PYROXD1: variants seen among roughly 807,000 people sequenced by gnomAD.
PYROXD1 encodes the protein tRNA ligase complex-associated NAD(P)H dehydrogenase PYROXD1.
In PYROXD1, 42 loss-of-function variants were observed where a neutral mutation model predicts 62.0. That is an observed-to-expected ratio of 0.68 (90% CI 0.53 to 0.88). PYROXD1 has a LOEUF of 0.88. Among genes scored for constraint, PYROXD1 ranks in the 40% least tolerant of loss-of-function variants. PYROXD1 has a pLI of 0.00. For missense variants in PYROXD1, 493 were observed against 604.8 expected (o/e 0.82, Z 1.94); for synonymous variants, 170 against 206.4 (o/e 0.82, Z 1.51).
chr12:21,453,668 G>A (rs1942544191), intron 5 of PYROXD1, among the ~76,000 whole-genome samples: 3 of 151,984 alleles, frequency 2.0e-5, no homozygotes, highest in Non-Finnish European at 2.9e-5. Flanking sequence ...TGTGCATCTT[G>A]CTGAGAACAT....
chr12:21,452,596 T>C (rs1942521838), intron 5 of PYROXD1, among the ~76,000 whole-genome samples: 1 of 152,174 alleles, frequency 6.6e-6, no homozygotes, highest in Non-Finnish European at 1.5e-5. Flanking sequence ...CCCAAAATGT[T>C]TGTGACTCCT....
At chr12:21,448,235 A>T (rs1387977889) in intron 3 of PYROXD1, 1 of 500,812 alleles carries the variant, frequency 2.0e-6, no homozygotes, top group East Asian at 3.4e-5. Context: ...TGTTCTTATG[A>T]AATGCTACTG....
At chr12:21,439,298 C>T (rs1942252474) in intron 1 of PYROXD1, among the ~76,000 whole-genome samples, 1 of 151,964 alleles carries the variant, frequency 6.6e-6, no homozygotes, top group African/African-American at 2.4e-5. Flanking sequence ...CTGGTTTATA[C>T]GTGAAACTGG....
rs1165157473 is a variant in PYROXD1 at position 21,468,757 on chromosome 12, A to G, written c.*3A>G. 1.2e-6 allele frequency: 2 copies of G among 1,601,026 alleles called. No homozygotes were observed. The highest frequency in any genetic ancestry group is 2.7e-5 in the African/African-American group (2 of 74,444). ...ATATAGAAGATTATTTTGACTAAAA[A>G]TGGAATTTCTTCAGGAATCATATAA... On this transcript the variant is annotated 3_prime_UTR_variant, in exon 12 of 12. Transcript: ENST00000240651.
At position 21,458,454 on chromosome 12, in the gene PYROXD1, C is replaced by A. The variant is rs114494108; in HGVS notation, c.750+2359C>A. The stretch of plus-strand genomic sequence containing the variant: ...CATCATTCATGTGTTCATTGGAATA[C>A]CACTTTAGATTTACTTCAAGAATGT... On this transcript the variant is annotated intron_variant, in intron 7 of 11. Transcript: ENST00000240651. Among the ~76,000 whole-genome samples the A allele has an allele frequency of 2.8e-3, 422 of 152,296 alleles. 5 individuals carry two copies. Among genetic ancestry groups the A allele is most frequent in the African/African-American group, 0.01 (416 of 41,566 alleles).
intron 5 of PYROXD1, among the ~76,000 whole-genome samples, chr12:21,453,428 AC>A (rs1942537903): frequency 6.6e-6 from 1 of 151,940 alleles, no homozygotes; most frequent in Non-Finnish European, 1.5e-5. Context: ...GCATACCCAT[AC>A]CCTTTCTACA....
rs759264885 is a variant in PYROXD1, at chr12:21,449,636, T to A, written c.359T>A (p.Leu120Ter). ...LCLCAGAKPK[L>*]ICEGNPYVLG... ...CTGTGTGCTGGAGCTAAACCAAAGT[T>A]GATATGTGAAGGAAATCCTTATGTA... Residue 120 changes from leucine to a stop codon, truncating the protein, a stop_gained, in exon 4 of 12, where the codon TTG (leucine) becomes TAG (stop). Coordinates refer to ENST00000240651, the MANE Select transcript of PYROXD1 (RefSeq NM_024854.5). LOFTEE classifies it high-confidence loss of function. 1.9e-6 allele frequency: 3 copies of A among 1,613,158 alleles called. No individual in the cohort carries two copies. The highest frequency in any genetic ancestry group is 2.7e-5 in the African/African-American group (2 of 74,868).
intron 2 of PYROXD1, among the ~76,000 whole-genome samples, chr12:21,442,503 A>C (rs1942314272): frequency 6.6e-6 from 1 of 152,180 alleles, no homozygotes; most frequent in Admixed American, 6.5e-5. Flanking sequence ...CCCAAAGTGC[A>C]AACTAGCTTA....
intron 7 of PYROXD1, among the ~76,000 whole-genome samples, chr12:21,460,232 A>AAC: frequency 9.6e-6 from 1 of 104,414 alleles, no homozygotes; most frequent in Non-Finnish European, 2.1e-5. Context: ...TTCAGATCCT[A>AAC]ATATTATATT....
intron 11 of PYROXD1, among the ~76,000 whole-genome samples, chr12:21,468,302 A>T (rs1357665102): frequency 6.6e-6 from 1 of 152,120 alleles, no homozygotes; most frequent in Non-Finnish European, 1.5e-5. Context: ...TTTTAATGTC[A>T]GTGTAGAGTG....
In PYROXD1 at chr12:21,449,888, C is replaced by T. The variant is rs369001000; in HGVS notation, c.414+197C>T. On this transcript the variant is annotated intron_variant, in intron 4 of 11. Transcript: ENST00000240651. ...TTTTTTTTTTTTTGAAACGGAGTCT[C>T]GCTCTGTTGCCCAGGCTGGAGTGCA... Among the ~76,000 whole-genome samples the T allele has an allele frequency of 6.0e-5, 9 of 148,822 alleles. No homozygotes were observed. The South Asian group carries it at 6.4e-4, about 11-fold the overall frequency.
chr12:21,445,407 C>T lies in PYROXD1; in HGVS notation c.226C>T (p.Arg76Cys), dbSNP rs149795907. 248 of 1,609,126 alleles carry T rather than the reference C, an allele frequency of 1.5e-4. No homozygotes were observed. The highest frequency in any genetic ancestry group is 2.7e-4 in the African/African-American group (20 of 74,742). Residue 76 changes from arginine (R) to cysteine (C), a missense_variant, in exon 3 of 12, where the codon CGC becomes TGC. Coordinates refer to ENST00000240651, the MANE Select transcript of PYROXD1 (RefSeq NM_024854.5). ...ACAATCAAGTACCATGTTAGGAAAA[C>T]GCTTTCCCAACATTAAGGTTATAGA... ...EEQSSTMLGKRFPNIKVIESG... is the reference protein window; with the variant it reads ...EEQSSTMLGKCFPNIKVIESG...
At chr12:21,441,787 TG>T (rs1942300761) in intron 2 of PYROXD1, among the ~76,000 whole-genome samples, 2 of 152,368 alleles carry the variant, frequency 1.3e-5, no homozygotes, top group South Asian at 4.1e-4. Flanking sequence ...CATATCTTCT[TG>T]GTTTATCATG....
intron 4 of PYROXD1, among the ~76,000 whole-genome samples, chr12:21,450,474 G>T (rs1942475322): frequency 6.6e-6 from 1 of 152,124 alleles, no homozygotes; most frequent in South Asian, 2.1e-4. Context: ...TTGGCTTATT[G>T]TTCTGCCCTA....
chr12:21,445,004 C>T (rs1406579285), intron 2 of PYROXD1, among the ~76,000 whole-genome samples: 1 of 152,102 alleles, frequency 6.6e-6, no homozygotes, highest in African/African-American at 2.4e-5. Flanking sequence ...ATAAGGTCTG[C>T]TAGTAAATAG....
At chr12:21,468,450 C>A in intron 11 of PYROXD1, 56 bp from the exon 12 acceptor site, 4 of 1,485,610 alleles carry the variant, frequency 2.7e-6, no homozygotes, top group Middle Eastern at 1.8e-4. Flanking sequence ...AAATAACTAC[C>A]CATTACATTT....
intron 6 of PYROXD1, 67 bp downstream of exon 6, chr12:21,455,359 A>G (rs969529893): frequency 2.0e-6 from 2 of 987,736 alleles, no homozygotes; most frequent in Non-Finnish European, 2.8e-6. Flanking sequence ...GAAAAGGGCT[A>G]CAAGAAAATT....
chr12:21,452,182 C>T (rs1942513163), intron 5 of PYROXD1, 28 bp downstream of exon 5: 3 of 1,307,398 alleles, frequency 2.3e-6, no homozygotes, highest in Non-Finnish European at 3.1e-6. Context: ...AATATGATAA[C>T]ATTTAAATTG....
chr12:21,448,356 A>G (rs1942431550), intron 3 of PYROXD1: 1 of 270,304 alleles, frequency 3.7e-6, no homozygotes, highest in Admixed American at 5.4e-5. Flanking sequence ...TAGAGATAGT[A>G]TGTTTTACTT....
Sources: gnomAD v4.1 joint callset for allele counts (sites outside exome capture counted in the v4.1 genomes callset) on GRCh38, gnomAD v4.1.1 for gene constraint, MANE v1.5 for transcripts, NCBI Gene and HGNC (gene_info 2026-07-23, HGNC 2026-07-21) for gene names.